FBN1: variants seen among roughly 807,000 people sequenced by gnomAD.
The protein encoded by FBN1 is fibrillin-1.
In FBN1, 29 loss-of-function variants were observed where a neutral mutation model predicts 365.1. The observed-to-expected ratio is 0.08, with a 90% CI of 0.06 to 0.11. FBN1 has a LOEUF of 0.11. Ranked by LOEUF, FBN1 falls within the 10% of genes least tolerant of loss-of-function variation. The probability of loss-of-function intolerance (pLI) is 1.00; values close to 1 mark genes in which losing one functional copy is unlikely to be tolerated. For synonymous variants in FBN1, 1,210 were observed against 1,270.5 expected (o/e 0.95, Z 1.01); for missense variants, 2,476 against 3,703.2 (o/e 0.67, Z 8.60).
intron 24 of FBN1, among the ~76,000 whole-genome samples, chr15:48,490,462 C>T (rs891553999): frequency 6.6e-6 from 1 of 152,240 alleles, no homozygotes; most frequent in African/African-American, 2.4e-5. Flanking sequence ...TAAAAGCCAA[C>T]TGTACTCTTT....
rs1331877242 is a variant in FBN1, at chr15:48,408,330, T to C, written c.*2660A>G. On this transcript the variant is annotated 3_prime_UTR_variant, in exon 66 of 66. Coordinates refer to ENST00000316623, the MANE Select transcript of FBN1 (RefSeq NM_000138.5). ...ATGCAGCATCAACCCAATTGTCCTTTATTTTGGCTCATCTAATTTACAGAC... is the reference window on the plus strand; with the variant it reads ...ATGCAGCATCAACCCAATTGTCCTTCATTTTGGCTCATCTAATTTACAGAC... 1 of 152,674 alleles carries C rather than the reference T, an allele frequency of 6.5e-6. No homozygotes were observed. The highest frequency in any genetic ancestry group is 6.5e-5 in the Admixed American group (1 of 15,288). The allele number at this position is 152,674 out of a possible 1,614,324, so 9.5% of individuals were successfully genotyped here.
At chr15:48,488,846 A>T (rs1386265264) in intron 25 of FBN1, among the ~76,000 whole-genome samples, 1 of 152,246 alleles carries the variant, frequency 6.6e-6, no homozygotes, top group African/African-American at 2.4e-5. Flanking sequence ...CACATAGAAC[A>T]TTATTAGAAT....
intron 40 of FBN1, 53 bp from the exon 41 acceptor site, chr15:48,464,074 A>G: frequency 6.4e-7 from 1 of 1,571,164 alleles, no homozygotes; most frequent in Non-Finnish European, 8.8e-7. Context: ...ACATTTTGGA[A>G]TGGCCTGATA....
chr15:48,466,332 C>G (rs898074592), intron 38 of FBN1, among the ~76,000 whole-genome samples: 2 of 152,204 alleles, frequency 1.3e-5, no homozygotes, highest in Non-Finnish European at 2.9e-5. Flanking sequence ...CATCCCAATT[C>G]TCTCCTTAAT....
chr15:48,628,142 C>T (rs1169379151), intron 2 of FBN1, among the ~76,000 whole-genome samples: 2 of 152,180 alleles, frequency 1.3e-5, no homozygotes, highest in Non-Finnish European at 2.9e-5. Flanking sequence ...GGCACACATG[C>T]ACATGCGCAC....
intron 2 of FBN1, among the ~76,000 whole-genome samples, chr15:48,635,727 T>C (rs1890079756): frequency 6.6e-6 from 1 of 152,236 alleles, no homozygotes; most frequent in African/African-American, 2.4e-5. Flanking sequence ...GGTTAGATGT[T>C]TTGAAATTCT....
Position 48,445,342 on chromosome 15 carries a change from AT to A in FBN1, c.5917+33del, listed in dbSNP as rs753512396. 3 of 1,610,962 alleles carry A rather than the reference AT, an allele frequency of 1.9e-6. No individual in the cohort carries two copies. In the South Asian group the frequency reaches 3.3e-5, roughly 18 times the overall value. On this transcript the variant is annotated intron_variant, in intron 48 of 65. Transcript: ENST00000316623. Reference sequence around the variant, plus strand: ...GATTCCTTGAGTGGTCTCTGGAAGCATTCTTTCCAGGTCTTTCTAAGTCCTG... The same window carrying A: ...GATTCCTTGAGTGGTCTCTGGAAGCATCTTTCCAGGTCTTTCTAAGTCCTG...
At chr15:48,594,314 C>T (rs2044501206) in intron 6 of FBN1, among the ~76,000 whole-genome samples, 1 of 152,204 alleles carries the variant, frequency 6.6e-6, no homozygotes. Context: ...CACTACCCTT[C>T]TGCTACTAAC....
intron 8 of FBN1, among the ~76,000 whole-genome samples, chr15:48,528,127 G>A (rs1375515585): frequency 2.6e-5 from 4 of 152,212 alleles, no homozygotes; most frequent in African/African-American, 9.7e-5. Context: ...GATCGCATGA[G>A]GAGACAATGT....
chr15:48,563,028 T>C (rs2044235537), intron 6 of FBN1, among the ~76,000 whole-genome samples: 1 of 152,162 alleles, frequency 6.6e-6, no homozygotes, highest in Non-Finnish European at 1.5e-5. Flanking sequence ...GCACAGACTA[T>C]GTCTTCAATA....
At chr15:48,605,612 C>T (rs564648982) in intron 4 of FBN1, among the ~76,000 whole-genome samples, 1 of 152,300 alleles carries the variant, frequency 6.6e-6, no homozygotes, top group Admixed American at 6.5e-5. Flanking sequence ...GTGGCTCATG[C>T]CTGTAATCCC....
chr15:48,412,623 G>C lies in FBN1; in HGVS notation c.8172C>G (p.Pro2724=). 6.2e-7 allele frequency: 1 copy of C among 1,614,228 alleles called. No homozygotes were observed. The highest frequency in any genetic ancestry group is 2.2e-5 in the East Asian group (1 of 44,882). The change falls in exon 65 of 66, where the codon CCC becomes CCG. Residue 2724 remains proline (P), a synonymous_variant. Transcript: ENST00000316623. ...TGCTTCTCCGTTTCCTGCCCCGTTT[G>C]GGGTAGCCATTGATCTTACACTCGT... The part of the protein sequence containing the change: ...ACYECKINGY[P]KRGRKRRSTN...
At chr15:48,429,635 T>C (rs955612313) in intron 56 of FBN1, among the ~76,000 whole-genome samples, 1 of 152,136 alleles carries the variant, frequency 6.6e-6, no homozygotes, top group African/African-American at 2.4e-5. Context: ...ATATCTGAGG[T>C]TGGACTTGAG....
At chr15:48,470,321 C>T (rs2043361090) in intron 36 of FBN1, among the ~76,000 whole-genome samples, 1 of 151,974 alleles carries the variant, frequency 6.6e-6, no homozygotes. Flanking sequence ...CGAAACTCTC[C>T]AAAAATGTAC....
At chr15:48,451,978 T>A (rs1488413629) in intron 45 of FBN1, among the ~76,000 whole-genome samples, 1 of 152,114 alleles carries the variant, frequency 6.6e-6, no homozygotes. Context: ...TCTCTAGGGG[T>A]CATGGGAATA....
chr15:48,564,253 G>T (rs1300134856), intron 6 of FBN1, among the ~76,000 whole-genome samples: 1 of 152,146 alleles, frequency 6.6e-6, no homozygotes, highest in Non-Finnish European at 1.5e-5. Flanking sequence ...ACACCACCCT[G>T]ACTATTCAAC....
At chr15:48,593,008 G>A (rs976697534) in intron 6 of FBN1, among the ~76,000 whole-genome samples, 4 of 152,156 alleles carry the variant, frequency 2.6e-5, no homozygotes, top group African/African-American at 9.7e-5. Flanking sequence ...GGCCAGCCAA[G>A]AATGTTTTTA....
intron 6 of FBN1, among the ~76,000 whole-genome samples, chr15:48,561,401 T>A (rs1430308851): frequency 6.6e-6 from 1 of 152,178 alleles, no homozygotes; most frequent in African/African-American, 2.4e-5. Context: ...AGGCAATATA[T>A]TCAAAGGGTT....
At position 48,511,409 on chromosome 15, in the gene FBN1, A is replaced by G. The variant is rs532749222; in HGVS notation, c.1589-1240T>C. Among the ~76,000 whole-genome samples the G allele has an allele frequency of 5.9e-5, 9 of 151,670 alleles. No homozygotes were observed. The South Asian group carries it at 1.9e-3, about 32-fold the overall frequency. ...CTCAAAAAAAAATGGTAAAAACCAC[A>G]TATTCTTGAGCAGACTTTTTTTTTT... On this transcript the variant is annotated intron_variant, in intron 13 of 65. Transcript: ENST00000316623.
Sources: gnomAD v4.1 joint callset for allele counts (sites outside exome capture counted in the v4.1 genomes callset) on GRCh38, gnomAD v4.1.1 for gene constraint, MANE v1.5 for transcripts, NCBI Gene and HGNC (gene_info 2026-07-23, HGNC 2026-07-21) for gene names.